Variants in ZEB1 observed in about 807,000 individuals in gnomAD.
ZEB1 encodes the protein zinc finger E-box-binding homeobox 1.
A neutral mutation model predicts 84.9 loss-of-function variants in ZEB1; 21 were observed. That is an observed-to-expected ratio of 0.25 (90% CI 0.18 to 0.36). The LOEUF is 0.36. Ranked by LOEUF, ZEB1 falls within the 10% of genes least tolerant of loss-of-function variation. The probability of loss-of-function intolerance (pLI) is 1.00; values close to 1 mark genes in which losing one functional copy is unlikely to be tolerated. For synonymous variants in ZEB1, 420 were observed against 471.1 expected (o/e 0.89, Z 1.41); for missense variants, 1,104 against 1,330.2 (o/e 0.83, Z 2.65).
At chr10:31,389,625 T>G (rs1241047818) in intron 1 of ZEB1, 1 of 152,036 alleles carries the variant, frequency 6.6e-6, no homozygotes, top group Non-Finnish European at 1.5e-5. Flanking sequence ...ACAAAGAAAT[T>G]CTAGCCTTTG....
chr10:31,401,022 G>T (rs1195845900), intron 1 of ZEB1, among the ~76,000 whole-genome samples: 2 of 152,020 alleles, frequency 1.3e-5, no homozygotes, highest in African/African-American at 4.8e-5. Context: ...TTTTCTTCCT[G>T]TTGGACATCT....
Position 31,483,300 on chromosome 10 carries a change from C to A in ZEB1, c.260-12476C>A, listed in dbSNP as rs192136517. Among the ~76,000 whole-genome samples, 151 of 152,004 alleles carry A rather than the reference C, an allele frequency of 9.9e-4. 2 individuals carry two copies. Among genetic ancestry groups the A allele is most frequent in the Admixed American group, 8.5e-3 (130 of 15,238 alleles). ...TAGCTCTGTGAGATAGATGTTGGCT[C>A]CTTTCTAAAAATAAGGAAAATGAGG... On this transcript the variant is annotated intron_variant, in intron 2 of 8. Coordinates refer to ENST00000424869, the MANE Select transcript of ZEB1 (RefSeq NM_001174096.2).
intron 1 of ZEB1, among the ~76,000 whole-genome samples, chr10:31,382,340 T>C (rs2047838671): frequency 6.6e-6 from 1 of 152,208 alleles, no homozygotes; most frequent in East Asian, 1.9e-4. Context: ...ACTCATACTT[T>C]ACTGAATTAA....
intron 1 of ZEB1, among the ~76,000 whole-genome samples, chr10:31,352,647 T>TG (rs200221181): frequency 6.6e-6 from 1 of 152,138 alleles, no homozygotes; most frequent in Non-Finnish European, 1.5e-5. Context: ...GGAGCACAGT[T>TG]GGGGGTGGCC....
At chr10:31,361,018 G>T in intron 1 of ZEB1, 1 of 1,609,722 alleles carries the variant, frequency 6.2e-7, no homozygotes, top group Non-Finnish European at 8.5e-7. Flanking sequence ...CAAGGCTCCT[G>T]CTTACCATCT....
At chr10:31,372,273 A>G (rs985592242) in intron 1 of ZEB1, among the ~76,000 whole-genome samples, 1 of 152,100 alleles carries the variant, frequency 6.6e-6, no homozygotes, top group African/African-American at 2.4e-5. Flanking sequence ...GAAATGGGCC[A>G]ACTTATAGCT....
At chr10:31,434,277 T>A (rs2058052148) in intron 1 of ZEB1, among the ~76,000 whole-genome samples, 1 of 152,222 alleles carries the variant, frequency 6.6e-6, no homozygotes, top group Non-Finnish European at 1.5e-5. Context: ...TTTATGTGCT[T>A]TTAAATGCAT....
In ZEB1 at chr10:31,494,039, G is replaced by A. The variant is rs1288111110; in HGVS notation, c.260-1737G>A. Reference sequence around the variant, plus strand: ...TCAATGTCATATTCCATCTTACGAGGTAGTAACTCTGGCTGTTTTGATTTT... The same window carrying A: ...TCAATGTCATATTCCATCTTACGAGATAGTAACTCTGGCTGTTTTGATTTT... On this transcript the variant is annotated intron_variant, in intron 2 of 8. Coordinates refer to ENST00000424869, the MANE Select transcript of ZEB1 (RefSeq NM_001174096.2). Among the ~76,000 whole-genome samples the A allele has an allele frequency of 2.0e-5, 3 of 151,942 alleles. No individual in the cohort carries two copies. The South Asian group carries it at 6.2e-4, about 31-fold the overall frequency.
intron 1 of ZEB1, among the ~76,000 whole-genome samples, chr10:31,376,971 CA>C (rs1034706890): frequency 2.3e-4 from 34 of 148,052 alleles, no homozygotes; most frequent in African/African-American, 7.4e-4. Context: ...TACTGCTAAA[CA>C]AAAAAAAAGT....
chr10:31,444,601 G>A (rs1169240146), intron 1 of ZEB1, among the ~76,000 whole-genome samples: 1 of 151,774 alleles, frequency 6.6e-6, no homozygotes, highest in Non-Finnish European at 1.5e-5. Flanking sequence ...TAAGGTGTAA[G>A]GAAGGGATCC....
chr10:31,431,348 A>G (rs161266), intron 1 of ZEB1, among the ~76,000 whole-genome samples: 11,991 of 152,214 alleles, frequency 0.079, 677 homozygotes, highest in African/African-American at 0.16. Flanking sequence ...ATTATACTAT[A>G]CACTTGATCT....
rs150154808 is a variant in ZEB1 at position 31,463,506 on chromosome 10, A to T, written c.259+2269A>T. 9.6e-3 allele frequency among the ~76,000 whole-genome samples: 1,458 copies of T among 152,308 alleles called. 12 individuals carry two copies. Among genetic ancestry groups the T allele is most frequent in the Middle Eastern group, 0.02 (6 of 294 alleles). Reference sequence around the variant, plus strand: ...GTAAGGTGATTTTCAGGCTTCTGAGAGGAAACAAAGCCCAAGACCACCAAA... The same window carrying T: ...GTAAGGTGATTTTCAGGCTTCTGAGTGGAAACAAAGCCCAAGACCACCAAA... On this transcript the variant is annotated intron_variant, in intron 2 of 8. Coordinates refer to ENST00000424869, the MANE Select transcript of ZEB1 (RefSeq NM_001174096.2).
chr10:31,360,348 G>C (rs996973748), intron 1 of ZEB1, among the ~76,000 whole-genome samples: 3 of 152,186 alleles, frequency 2.0e-5, no homozygotes, highest in Non-Finnish European at 4.4e-5. Flanking sequence ...AAATGGGTTT[G>C]TATATACTAT....
intron 2 of ZEB1, among the ~76,000 whole-genome samples, chr10:31,478,787 G>C (rs939505067): frequency 4.0e-5 from 6 of 151,898 alleles, no homozygotes; most frequent in East Asian, 3.9e-4. Context: ...ATTCTCACTT[G>C]TAAGTGGGAG....
At chr10:31,334,867 A>C (rs2037658628) in intron 1 of ZEB1, among the ~76,000 whole-genome samples, 1 of 152,162 alleles carries the variant, frequency 6.6e-6, no homozygotes, top group Admixed American at 6.5e-5. Context: ...CCCTTAAAAC[A>C]AAAAGGAAAA....
intron 2 of ZEB1, among the ~76,000 whole-genome samples, chr10:31,484,942 G>T (rs2065528268): frequency 6.6e-6 from 1 of 151,908 alleles, no homozygotes; most frequent in Non-Finnish European, 1.5e-5. Context: ...CAATGATGTT[G>T]TAATTCTCTG....
intron 1 of ZEB1, among the ~76,000 whole-genome samples, chr10:31,330,453 G>A (rs913431908): frequency 3.3e-5 from 5 of 152,176 alleles, no homozygotes; most frequent in African/African-American, 7.2e-5. Flanking sequence ...GATGCCTAAG[G>A]AGAGTGGCCC....
intron 1 of ZEB1, among the ~76,000 whole-genome samples, chr10:31,438,376 GTTTTA>G (rs1311286608): frequency 1.3e-5 from 2 of 152,006 alleles, no homozygotes; most frequent in African/African-American, 4.8e-5. Flanking sequence ...AATAAAAATT[GTTTTA>G]TTTCAAAATC....
chr10:31,326,590 G>A lies in ZEB1; in HGVS notation c.58+7298G>A, dbSNP rs374575881. Among the ~76,000 whole-genome samples, 253 of 152,270 alleles carry A rather than the reference G, an allele frequency of 1.7e-3. 9 individuals carry two copies. The South Asian group carries it at 0.05, about 30-fold the overall frequency. On this transcript the variant is annotated intron_variant, in intron 1 of 8. Coordinates refer to ENST00000424869, the MANE Select transcript of ZEB1 (RefSeq NM_001174096.2). ...ACAGTCAAAGAGATAAGATGACTTT[G>A]CCAAGTTTATGTTACTAGTTAGCTT...
Sources: allele counts gnomAD v4.1 joint callset (sites outside exome capture counted in the v4.1 genomes callset), GRCh38; gene constraint gnomAD v4.1.1; transcripts MANE v1.5; gene names NCBI Gene and HGNC (gene_info 2026-07-23, HGNC 2026-07-21).